SLC45A3: variants seen among roughly 807,000 people sequenced by gnomAD.
The protein encoded by SLC45A3 is solute carrier family 45 member 3, also known as prostate cancer associated protein 2.
Under a neutral mutation model 35.3 loss-of-function variants are expected in SLC45A3, and 17 were observed. The observed-to-expected ratio is 0.48, with a 90% CI of 0.33 to 0.72. The LOEUF (loss-of-function observed/expected upper bound fraction) is 0.72. Among genes scored for constraint, SLC45A3 ranks in the 30% least tolerant of loss-of-function variants. The pLI is 0.02. For synonymous variants in SLC45A3, 288 were observed against 334.3 expected (o/e 0.86, Z 1.51); for missense variants, 597 against 731.7 (o/e 0.82, Z 2.12).
intron 1 of SLC45A3, among the ~76,000 whole-genome samples, chr1:205,674,273 GA>G (rs1246380226): frequency 6.8e-6 from 1 of 147,570 alleles, no homozygotes; most frequent in African/African-American, 2.5e-5. Flanking sequence ...CTTCTATAAC[GA>G]AAGATATGGT....
At chr1:205,661,724 CTAGGA>C in intron 4 of SLC45A3, 132 bp downstream of exon 4, 1 of 1,295,498 alleles carries the variant, frequency 7.7e-7, no homozygotes, top group Non-Finnish European at 1.0e-6. Flanking sequence ...GGCCCTGGGG[CTAGGA>C]TAAGCTTCTT....
intron 1 of SLC45A3, among the ~76,000 whole-genome samples, chr1:205,671,963 G>A (rs1029542197): frequency 4.6e-5 from 7 of 152,288 alleles, no homozygotes; most frequent in East Asian, 1.9e-4. Context: ...GCACTCTGCC[G>A]TGCGTCTTGA....
chr1:205,661,297 G>C (rs950570691), intron 4 of SLC45A3, among the ~76,000 whole-genome samples: 3 of 152,194 alleles, frequency 2.0e-5, no homozygotes, highest in African/African-American at 7.2e-5. Context: ...AGGGGAAGGG[G>C]AAGGAGAAAG....
At chr1:205,675,885 C>G (rs1671306156) in intron 1 of SLC45A3, among the ~76,000 whole-genome samples, 1 of 152,196 alleles carries the variant, frequency 6.6e-6, no homozygotes, top group Admixed American at 6.5e-5. Context: ...AGGCAGCCCC[C>G]AGGGTTGGAC....
rs1670977687 is a variant in SLC45A3 at position 205,659,396 on chromosome 1, C to T, written c.1500G>A (p.Leu500=). The change falls in exon 5 of 5, where the codon CTG becomes CTA. Residue 500 remains leucine, a synonymous_variant. Coordinates refer to ENST00000367145, the MANE Select transcript of SLC45A3 (RefSeq NM_033102.3). This position sits in a 1 kb window ranked among gnomAD's most constrained non-coding sequence, Gnocchi z 5.8. ...LDLAILDSAF[L]LSQVAPSLFM... ...ACAGGGATGGGGCCACCTGGGACAG[C>T]AGGAAGGCACTATCCAGGATGGCGA... The T allele has an allele frequency of 6.2e-7, 1 of 1,614,200 alleles. No homozygotes were observed. The highest frequency in any genetic ancestry group is 8.5e-7 in the Non-Finnish European group (1 of 1,180,028).
chr1:205,662,562 C>T lies in SLC45A3; in HGVS notation c.958+271G>A. 1.5e-6 allele frequency: 2 copies of T among 1,324,980 alleles called. No individual in the cohort carries two copies. Among genetic ancestry groups the T allele is most frequent in the Non-Finnish European group, 1.9e-6 (2 of 1,040,898 alleles). The allele number at this position is 1,324,980 out of a possible 1,614,324, so 82.1% of individuals were successfully genotyped here. A position where few individuals can be genotyped will look rare whatever the true frequency, so the allele number is the denominator to read the frequency against. On this transcript the variant is annotated intron_variant, in intron 3 of 4. Coordinates refer to ENST00000367145, the MANE Select transcript of SLC45A3 (RefSeq NM_033102.3). The surrounding 1 kb of genome is among the most constrained non-coding windows in gnomAD (Gnocchi z 6.2). ...AATCCAGCCTTAACTCCTCCACTCCCTCTAGACTTTGAATAAGCTCCGCCT... is the reference window on the plus strand; with the variant it reads ...AATCCAGCCTTAACTCCTCCACTCCTTCTAGACTTTGAATAAGCTCCGCCT...
At chr1:205,670,829 C>G (rs1448111376) in intron 1 of SLC45A3, among the ~76,000 whole-genome samples, 1 of 152,216 alleles carries the variant, frequency 6.6e-6, no homozygotes, top group East Asian at 1.9e-4. Flanking sequence ...CCCTCCGGCT[C>G]CTGAGCCCGT....
In SLC45A3 at chr1:205,659,800, G is replaced by A. The variant is rs1042259498; in HGVS notation, c.1225-129C>T. 44 of 884,594 alleles carry A rather than the reference G, an allele frequency of 5.0e-5. No homozygotes were observed. In the African/African-American group the frequency reaches 7.4e-4, roughly 15 times the overall value. 54.8% of individuals were successfully genotyped at this position (884,594 alleles called of 1,614,324 possible). ...TGGGACTTCATGAGAATCAGGAGCA[G>A]GAGAGAAGATGGAGACCCTACTTGG... On this transcript the variant is annotated intron_variant, in intron 4 of 4. Transcript: ENST00000367145. This position sits in a 1 kb window ranked among gnomAD's most constrained non-coding sequence, Gnocchi z 5.8.
In SLC45A3 at chr1:205,664,939, G is replaced by C; in HGVS notation, c.-230-53C>G. 7.9e-7 allele frequency: 1 copy of C among 1,261,532 alleles called. No individual in the cohort carries two copies. The highest frequency in any genetic ancestry group is 3.4e-5 in the East Asian group (1 of 29,750). 78.1% of individuals were successfully genotyped at this position (1,261,532 alleles called of 1,614,324 possible). A position where few individuals can be genotyped will look rare whatever the true frequency, so the allele number is the denominator to read the frequency against. ...ACGGGGTGTTAAGTCCTGGGAGCCA[G>C]GTCTCCACGATTTGCTCTAAATTGT... On this transcript the variant is annotated intron_variant, in intron 1 of 4. Coordinates refer to ENST00000367145, the MANE Select transcript of SLC45A3 (RefSeq NM_033102.3). The surrounding 1 kb of genome is among the most constrained non-coding windows in gnomAD (Gnocchi z 5.3).
rs541434761 is a variant in SLC45A3 at position 205,680,455 on chromosome 1, T to G, written c.-292A>C. 1 of 152,162 alleles carries G rather than the reference T, an allele frequency of 6.6e-6. No individual in the cohort carries two copies. The highest frequency in any genetic ancestry group is 1.9e-4 in the East Asian group (1 of 5,140). 9.4% of individuals were successfully genotyped at this position (152,162 alleles called of 1,614,324 possible). A position where few individuals can be genotyped will look rare whatever the true frequency, so the allele number is the denominator to read the frequency against. On this transcript the variant is annotated 5_prime_UTR_variant, in exon 1 of 5. Coordinates refer to ENST00000367145, the MANE Select transcript of SLC45A3 (RefSeq NM_033102.3). ...CGTGCAGGCTGGTTCCGCCCCCCCT[T>G]CCTTGCCCCCCACGCGCGCCAGCCG...
In SLC45A3 at chr1:205,658,380, T is replaced by C. The variant is rs902776245; in HGVS notation, c.*854A>G. 1.7e-5 allele frequency: 4 copies of C among 232,546 alleles called. No homozygotes were observed. Among genetic ancestry groups the C allele is most frequent in the Admixed American group, 1.7e-4 (3 of 17,740 alleles). The allele number at this position is 232,546 out of a possible 1,614,324, so 14.4% of individuals were successfully genotyped here. A position where few individuals can be genotyped will look rare whatever the true frequency, so the allele number is the denominator to read the frequency against. ...GAATTATCATTTGGGATGAGTAGAA[T>C]TTCCAAGGTCCTGGGTTAGGCATTT... On this transcript the variant is annotated 3_prime_UTR_variant, in exon 5 of 5. Transcript: ENST00000367145.
chr1:205,680,007 A>G (rs996686769), intron 1 of SLC45A3, among the ~76,000 whole-genome samples: 2 of 149,778 alleles, frequency 1.3e-5, no homozygotes, highest in Admixed American at 1.3e-4. Context: ...CTGCAACAGG[A>G]GCCAGCGGCC....
At chr1:205,678,766 A>T (rs1671352558) in intron 1 of SLC45A3, among the ~76,000 whole-genome samples, 1 of 152,212 alleles carries the variant, frequency 6.6e-6, no homozygotes, top group South Asian at 2.1e-4. Flanking sequence ...GCACTTTCAG[A>T]ACAACAGAGT....
At position 205,663,194 on chromosome 1, in the gene SLC45A3, G is replaced by A; in HGVS notation, c.597C>T (p.Leu199=). The A allele has an allele frequency of 2.5e-6, 4 of 1,613,412 alleles. No homozygotes were observed. The highest frequency in any genetic ancestry group is 3.4e-6 in the Non-Finnish European group (4 of 1,179,972). ...APYLGTQEEC[L]FGLLTLIFLT... ...GGAAGATGAGGGTGAGCAGGCCAAAGAGGCACTCCTCCTGGGTGCCCAGGT... is the reference window on the plus strand; with the variant it reads ...GGAAGATGAGGGTGAGCAGGCCAAAAAGGCACTCCTCCTGGGTGCCCAGGT... The change falls in exon 3 of 5, where the codon CTC becomes CTT. Residue 199 remains leucine, a synonymous_variant. Coordinates refer to ENST00000367145, the MANE Select transcript of SLC45A3 (RefSeq NM_033102.3).
intron 1 of SLC45A3, among the ~76,000 whole-genome samples, chr1:205,675,033 G>T (rs1407029502): frequency 6.6e-6 from 1 of 152,200 alleles, no homozygotes; most frequent in Non-Finnish European, 1.5e-5. Flanking sequence ...CCATTTTTAT[G>T]CTTAGGTTTG....
intron 1 of SLC45A3, among the ~76,000 whole-genome samples, chr1:205,675,895 C>T (rs1291040783): frequency 2.6e-5 from 4 of 152,152 alleles, no homozygotes; most frequent in Admixed American, 6.5e-5. Flanking sequence ...CAGGGTTGGA[C>T]GCTGCCCACG....
Position 205,659,569 on chromosome 1 carries a change from T to C in SLC45A3, c.1327A>G (p.Asn443Asp). 6.3e-7 allele frequency: 1 copy of C among 1,597,142 alleles called. No homozygotes were observed. Among genetic ancestry groups the C allele is most frequent in the East Asian group, 2.2e-5 (1 of 44,728 alleles). Residue 443 changes from asparagine to aspartate, a missense_variant, in exon 5 of 5, where the codon AAT (asparagine) becomes GAT (aspartate). Asn to Asp is a conservative substitution (Grantham distance 23). This residue lies in a region of SLC45A3 where 555 missense variants were observed against 664.9 expected (regional missense o/e 0.83). Coordinates refer to ENST00000367145, the MANE Select transcript of SLC45A3 (RefSeq NM_033102.3). This position sits in a 1 kb window ranked among gnomAD's most constrained non-coding sequence, Gnocchi z 5.8. ...CTGCCTCCAGCACCCACGTGTCCAT[T>C]AGGGAAGGGAGCTCCAGGCTTAGGG... ...PGPKPGAPFP[N>D]GHVGAGGSGL...
At chr1:205,668,520 C>T (rs1001159042) in intron 1 of SLC45A3, among the ~76,000 whole-genome samples, 2 of 152,122 alleles carry the variant, frequency 1.3e-5, no homozygotes, top group African/African-American at 2.4e-5. Context: ...CCCAAGTCTG[C>T]GGAACTCCCC....
At chr1:205,677,301 G>A (rs755998043) in intron 1 of SLC45A3, among the ~76,000 whole-genome samples, 16 of 152,146 alleles carry the variant, frequency 1.1e-4, no homozygotes, top group South Asian at 2.1e-4. Context: ...CTGCAGATGC[G>A]TCCTTCGTAG....
Sources: gnomAD v4.1 joint callset for allele counts (sites outside exome capture counted in the v4.1 genomes callset) on GRCh38, gnomAD v4.1.1 for gene constraint, gnomAD v4.1.1 regional missense constraint, Gnocchi (gnomAD v3.1) non-coding constraint, MANE v1.5 for transcripts, NCBI Gene and HGNC (gene_info 2026-07-23, HGNC 2026-07-21) for gene names.